Variants in ST3GAL3 observed in about 807,000 individuals in gnomAD.
ST3GAL3 encodes ST3 beta-galactoside alpha-2,3-sialyltransferase 3, also known as CMP-N-acetylneuraminate-beta-1,4-galactoside alpha-2,3-sialyltransferase.
Under a neutral mutation model 50.1 loss-of-function variants are expected in ST3GAL3, and 21 were observed. The observed-to-expected ratio is 0.42, with a 90% CI of 0.30 to 0.60. The LOEUF (loss-of-function observed/expected upper bound fraction) is 0.60, where lower values mean the gene tolerates loss of function less well. Among genes scored for constraint, ST3GAL3 ranks in the 20% least tolerant of loss-of-function variants. The probability of loss-of-function intolerance (pLI) is 0.19; values close to 1 mark genes in which losing one functional copy is unlikely to be tolerated. For synonymous variants in ST3GAL3, 183 were observed against 190.0 expected, an observed-to-expected ratio of 0.96 and a Z score of 0.30; for missense variants, 353 against 489.4, an observed-to-expected ratio of 0.72 and a Z score of 2.63.
chr1:43,896,044 C>T (rs1292684931), intron 6 of ST3GAL3, among the ~76,000 whole-genome samples: 1 of 152,198 alleles, frequency 6.6e-6, no homozygotes, highest in Admixed American at 6.5e-5. Context: ...TGTTGCCTTT[C>T]CTAAAGCCCA....
Position 43,879,082 on chromosome 1 carries a change from A to C in ST3GAL3, c.303-15301A>C, listed in dbSNP as rs571407897. ...ATGACTGCGGCAGGAAACCCACTTT[A>C]GACAGAAGAGTCAGAGAAGACGTCC... On this transcript the variant is annotated intron_variant, in intron 5 of 11. Transcript: ENST00000347631. The C allele has an allele frequency of 5.5e-5, 25 of 456,060 alleles. No individual in the cohort carries two copies. The East Asian group carries it at 8.3e-4, about 15-fold the overall frequency. The allele number at this position is 456,060 out of a possible 1,614,324, so 28.3% of individuals were successfully genotyped here. A position where few individuals can be genotyped will look rare whatever the true frequency, so the allele number is the denominator to read the frequency against.
In ST3GAL3 at chr1:43,879,089, A is replaced by G. The variant is rs1305920894; in HGVS notation, c.303-15294A>G. 8.8e-6 allele frequency: 4 copies of G among 455,870 alleles called. No homozygotes were observed. In the East Asian group the frequency reaches 2.8e-4, roughly 32 times the overall value. 28.2% of individuals were successfully genotyped at this position (455,870 alleles called of 1,614,324 possible). On this transcript the variant is annotated intron_variant, in intron 5 of 11. Transcript: ENST00000347631. ...CGGCAGGAAACCCACTTTAGACAGA[A>G]GAGTCAGAGAAGACGTCCCTGAGGA...
chr1:43,766,158 A>G (rs903459458), intron 2 of ST3GAL3, among the ~76,000 whole-genome samples: 5 of 152,166 alleles, frequency 3.3e-5, no homozygotes, highest in Admixed American at 6.5e-5. Context: ...AATACCACCC[A>G]AGTAGCCCTT....
rs1266291559 is a variant in ST3GAL3 at position 43,792,063 on chromosome 1, A to C, written c.119-39A>C. 4 of 1,613,846 alleles carry C rather than the reference A, an allele frequency of 2.5e-6. No homozygotes were observed. The South Asian group carries it at 4.4e-5, about 18-fold the overall frequency. The stretch of plus-strand genomic sequence containing the variant: ...AGTGGGAGCTTGCTTTTTTATTATA[A>C]GAAGGAGAAAGAAATGAACTTGTCC... On this transcript the variant is annotated intron_variant, in intron 2 of 11. Transcript: ENST00000347631.
At chr1:43,770,249 G>A (rs1431541595) in intron 2 of ST3GAL3, among the ~76,000 whole-genome samples, 1 of 136,146 alleles carries the variant, frequency 7.3e-6, no homozygotes, top group Non-Finnish European at 1.6e-5. Flanking sequence ...GGAGAGGGGA[G>A]GGGAGGAGAG....
At chr1:43,728,066 C>T (rs1188654093) in intron 1 of ST3GAL3, among the ~76,000 whole-genome samples, 3 of 152,008 alleles carry the variant, frequency 2.0e-5, no homozygotes, top group African/African-American at 7.3e-5. Context: ...TTATTGCCAT[C>T]TGTGTGTCCG....
intron 2 of ST3GAL3, among the ~76,000 whole-genome samples, chr1:43,750,974 A>G (rs1685834799): frequency 6.6e-6 from 1 of 152,136 alleles, no homozygotes; most frequent in South Asian, 2.1e-4. Flanking sequence ...AAGCCAGGAA[A>G]AATATTTTTG....
intron 5 of ST3GAL3, among the ~76,000 whole-genome samples, chr1:43,865,384 T>C (rs1419422035): frequency 6.6e-6 from 1 of 152,172 alleles, no homozygotes; most frequent in Non-Finnish European, 1.5e-5. Flanking sequence ...AAAGAAATTT[T>C]TTCATTACAT....
chr1:43,834,245 AGC>A (rs2063955169), intron 4 of ST3GAL3, among the ~76,000 whole-genome samples: 1 of 152,158 alleles, frequency 6.6e-6, no homozygotes, highest in Non-Finnish European at 1.5e-5. Flanking sequence ...TATTCTAACC[AGC>A]TTGTAAACTT....
intron 11 of ST3GAL3, among the ~76,000 whole-genome samples, chr1:43,928,564 C>G (rs1035385329): frequency 2.0e-5 from 3 of 151,566 alleles, no homozygotes; most frequent in Non-Finnish European, 4.4e-5. Flanking sequence ...CGTGCCACTG[C>G]ACTCCAGCCT....
At position 43,792,167 on chromosome 1, in the gene ST3GAL3, T is replaced by C. The variant is rs747694634; in HGVS notation, c.166+18T>C. ...AGGCTCAGGTACCAACTCTTCCCCC[T>C]CTATCATCTTTTTGGCCTTCAATAT... On this transcript the variant is annotated intron_variant, in intron 3 of 11. Transcript: ENST00000347631. 1.4e-5 allele frequency: 22 copies of C among 1,614,086 alleles called. No individual in the cohort carries two copies. The highest frequency in any genetic ancestry group is 5.3e-5 in the African/African-American group (4 of 74,934).
intron 3 of ST3GAL3, among the ~76,000 whole-genome samples, chr1:43,813,471 G>A (rs951246404): frequency 3.3e-5 from 5 of 152,236 alleles, no homozygotes; most frequent in Middle Eastern, 3.4e-3. Flanking sequence ...ATTCGCCTGC[G>A]TTAGAGCAAA....
At chr1:43,879,035 A>G (rs1192938973) in intron 5 of ST3GAL3, 1 of 456,308 alleles carries the variant, frequency 2.2e-6, no homozygotes, top group Admixed American at 2.3e-5. Flanking sequence ...AGAGAAAACA[A>G]GAGAAGATGA....
intron 9 of ST3GAL3, 116 bp from the exon 10 acceptor site, chr1:43,920,288 C>G: frequency 1.6e-6 from 2 of 1,283,014 alleles, no homozygotes. Context: ...GCCCTGGGTT[C>G]CCCATTAAAC....
At chr1:43,765,778 T>TGCGCGC (rs1692477424) in intron 2 of ST3GAL3, among the ~76,000 whole-genome samples, 2 of 137,020 alleles carry the variant, frequency 1.5e-5, no homozygotes, top group African/African-American at 5.8e-5. Flanking sequence ...TGTGTGTGTG[T>TGCGCGC]GTGTGTGCGC....
At chr1:43,889,097 A>G (rs896682026) in intron 5 of ST3GAL3, among the ~76,000 whole-genome samples, 1 of 152,160 alleles carries the variant, frequency 6.6e-6, no homozygotes, top group Non-Finnish European at 1.5e-5. Context: ...GTATGTAATT[A>G]TAATGGAGTG....
At chr1:43,749,438 C>G (rs1685152169) in intron 2 of ST3GAL3, among the ~76,000 whole-genome samples, 1 of 152,140 alleles carries the variant, frequency 6.6e-6, no homozygotes, top group Non-Finnish European at 1.5e-5. Flanking sequence ...ATATAAGGAA[C>G]TCTTACAACT....
chr1:43,899,556 A>G lies in ST3GAL3; in HGVS notation c.573A>G (p.Pro191=). 1 of 1,613,548 alleles carries G rather than the reference A, an allele frequency of 6.2e-7. No homozygotes were observed. The highest frequency in any genetic ancestry group is 8.5e-7 in the Non-Finnish European group (1 of 1,180,032). The change falls in exon 9 of 12, where the codon CCA becomes CCG. Residue 191 remains proline, a synonymous_variant. Coordinates refer to ENST00000347631, the MANE Select transcript of ST3GAL3 (RefSeq NM_006279.5). The surrounding 1 kb of genome is among the most constrained non-coding windows in gnomAD (Gnocchi z 5.4). ...CTCTCTGTAGACTGAATTCAGCACC[A>G]GTGAAAGGCTTTGAGAAGGACGTGG... is the stretch of plus-strand genomic sequence containing the variant. The part of the protein sequence containing the change: ...YDIVVRLNSA[P]VKGFEKDVGS...
At chr1:43,812,376 C>T (rs567375557) in intron 3 of ST3GAL3, among the ~76,000 whole-genome samples, 5 of 152,196 alleles carry the variant, frequency 3.3e-5, no homozygotes, top group Non-Finnish European at 5.9e-5. Flanking sequence ...TGGGCTCTGA[C>T]GCTAGAGCCA....
Sources: allele counts gnomAD v4.1 joint callset (sites outside exome capture counted in the v4.1 genomes callset), GRCh38; gene constraint gnomAD v4.1.1; non-coding constraint Gnocchi (gnomAD v3.1); transcripts MANE v1.5; gene names NCBI Gene and HGNC (gene_info 2026-07-23, HGNC 2026-07-21).